PTPRD: variants seen among roughly 807,000 people sequenced by gnomAD.
The protein encoded by PTPRD is protein tyrosine phosphatase receptor type D, also known as receptor-type tyrosine-protein phosphatase delta.
A neutral mutation model predicts 214.5 loss-of-function variants in PTPRD; 34 were observed. The ratio of observed to expected loss-of-function variants is 0.16; its 90% CI spans 0.12 to 0.21. PTPRD has a LOEUF of 0.21. Among genes scored for constraint, PTPRD ranks in the 10% least tolerant of loss-of-function variants. PTPRD has a pLI of 1.00. For synonymous variants in PTPRD, 1,128 were observed against 845.7 expected, an observed-to-expected ratio of 1.33 and a Z score of -5.79; for missense variants, 2,545 against 2,398.7, an observed-to-expected ratio of 1.06 and a Z score of -1.27.
At chr9:10,600,469 C>T (rs7357812) in intron 2 of PTPRD, among the ~76,000 whole-genome samples, 14,836 of 151,740 alleles carry the variant, frequency 0.098, 1,012 homozygotes, top group East Asian at 0.21. Context: ...GTTAGAGCAA[C>T]ATCTCCAGCA....
At chr9:9,261,998 T>C (rs553883223) in intron 9 of PTPRD, among the ~76,000 whole-genome samples, 1 of 151,792 alleles carries the variant, frequency 6.6e-6, no homozygotes, top group South Asian at 2.1e-4. Flanking sequence ...CTTTAAACAG[T>C]ATAGATTATA....
intron 9 of PTPRD, among the ~76,000 whole-genome samples, chr9:9,377,672 GACATTGACT>G (rs2061144667): frequency 6.6e-6 from 1 of 152,004 alleles, no homozygotes; most frequent in South Asian, 2.1e-4. Flanking sequence ...AATCCCTTCA[GACATTGACT>G]ACAAACAGCT....
chr9:9,416,452 T>C (rs887901384), intron 8 of PTPRD, among the ~76,000 whole-genome samples: 2 of 152,164 alleles, frequency 1.3e-5, no homozygotes, highest in Non-Finnish European at 2.9e-5. Flanking sequence ...AATTAAATAA[T>C]GTATATAAAT....
intron 5 of PTPRD, among the ~76,000 whole-genome samples, chr9:9,889,171 T>G (rs2072225030): frequency 1.3e-5 from 2 of 151,988 alleles, no homozygotes; most frequent in African/African-American, 4.8e-5. Context: ...TACGAAATTT[T>G]AGACAGGAGG....
At position 9,797,741 on chromosome 9, in the gene PTPRD, G is replaced by C. The variant is rs182066839; in HGVS notation, c.-367-30890C>G. On this transcript the variant is annotated intron_variant, in intron 5 of 45. Transcript: ENST00000381196. ...GGCACCTGTAATCCCAGCTACTCGG[G>C]GGGGGCTGAGGCAGGAGATTCACTT... 1.1e-3 allele frequency among the ~76,000 whole-genome samples: 167 copies of C among 147,780 alleles called. 3 individuals carry two copies. In the South Asian group the frequency reaches 0.016, roughly 14 times the overall value.
chr9:9,968,148 C>T (rs1348006929), intron 4 of PTPRD, among the ~76,000 whole-genome samples: 3 of 152,170 alleles, frequency 2.0e-5, no homozygotes, highest in Middle Eastern at 3.4e-3. Flanking sequence ...TAAAGGGAAC[C>T]TATTATTCTT....
At chr9:9,557,442 A>C (rs75632198) in intron 8 of PTPRD, among the ~76,000 whole-genome samples, 1,944 of 152,282 alleles carry the variant, frequency 0.013, 21 homozygotes, top group Non-Finnish European at 0.019. Context: ...CCCAAAATAA[A>C]ATTTTTTGAC....
chr9:9,085,549 T>C (rs2099765839), intron 10 of PTPRD, among the ~76,000 whole-genome samples: 1 of 152,126 alleles, frequency 6.6e-6, no homozygotes, highest in African/African-American at 2.4e-5. Context: ...CTCAGGGCTT[T>C]TTTTCCCTCT....
At chr9:8,584,080 G>C (rs548885798) in intron 14 of PTPRD, among the ~76,000 whole-genome samples, 128 of 152,242 alleles carry the variant, frequency 8.4e-4, no homozygotes, top group Middle Eastern at 3.4e-3. Flanking sequence ...CCTGAGCCTG[G>C]TAGTTCGAGG....
At chr9:10,504,570 T>A (rs1482177363) in intron 2 of PTPRD, among the ~76,000 whole-genome samples, 1 of 152,088 alleles carries the variant, frequency 6.6e-6, no homozygotes, top group Non-Finnish European at 1.5e-5. Context: ...AACAGCAATA[T>A]CAAGATAAAT....
chr9:8,507,428 C>G lies in PTPRD; in HGVS notation c.1550G>C (p.Gly517Ala), dbSNP rs1435126387. ...TTCTGCTTTGAAGTTTAGTGGCTGC[C>G]CTGGTACTAAAAACAGGGAGGCAAT... ...IQVITQTGVP[G>A]QPLNFKAEPE... is the part of the protein sequence containing the mutation. The change falls in exon 22 of 46, where the codon GGG (glycine) becomes GCG (alanine). Residue 517 changes from glycine (G) to alanine (A), a missense_variant. Physicochemically the swap from Gly to Ala is moderately conservative, Grantham distance 60. Coordinates refer to ENST00000381196, the MANE Select transcript of PTPRD (RefSeq NM_002839.4). The G allele has an allele frequency of 2.5e-6, 4 of 1,613,824 alleles. No homozygotes were observed. In the East Asian group the frequency reaches 8.9e-5, roughly 36 times the overall value.
chr9:9,020,669 C>T (rs551180292), intron 10 of PTPRD, among the ~76,000 whole-genome samples: 3 of 152,068 alleles, frequency 2.0e-5, no homozygotes, highest in Non-Finnish European at 4.4e-5. Flanking sequence ...ATTTGAAATG[C>T]CTGTGAGACA....
intron 3 of PTPRD, among the ~76,000 whole-genome samples, chr9:10,147,547 G>A (rs1326095652): frequency 6.6e-6 from 1 of 152,106 alleles, no homozygotes; most frequent in Non-Finnish European, 1.5e-5. Context: ...CCAGCCAGAA[G>A]AAAGGTCTAA....
At chr9:9,236,752 G>A (rs910655721) in intron 9 of PTPRD, among the ~76,000 whole-genome samples, 1 of 151,658 alleles carries the variant, frequency 6.6e-6, no homozygotes, top group Non-Finnish European at 1.5e-5. Flanking sequence ...TTGATTATTT[G>A]GGCTTTGTGT....
chr9:8,964,852 G>A (rs2099182773), intron 11 of PTPRD, among the ~76,000 whole-genome samples: 2 of 151,996 alleles, frequency 1.3e-5, no homozygotes, highest in African/African-American at 4.8e-5. Flanking sequence ...TAATTGTGTG[G>A]CTTTGAGAAA....
chr9:10,444,103 T>G (rs567872838), intron 2 of PTPRD, among the ~76,000 whole-genome samples: 1 of 151,852 alleles, frequency 6.6e-6, no homozygotes, highest in Non-Finnish European at 1.5e-5. Context: ...TGCTTACATT[T>G]CTGTTGTAGC....
intron 21 of PTPRD, among the ~76,000 whole-genome samples, chr9:8,510,727 A>G (rs2097661112): frequency 6.6e-6 from 1 of 152,128 alleles, no homozygotes; most frequent in African/African-American, 2.4e-5. Flanking sequence ...CTGAGGGTGT[A>G]CCTAACGATA....
chr9:9,217,041 T>C (rs911920137), intron 9 of PTPRD, among the ~76,000 whole-genome samples: 1 of 152,118 alleles, frequency 6.6e-6, no homozygotes, highest in African/African-American at 2.4e-5. Flanking sequence ...GAAATGCCAG[T>C]GTTAACATTT....
chr9:9,970,455 A>C (rs1587782099), intron 4 of PTPRD, among the ~76,000 whole-genome samples: 1 of 128,008 alleles, frequency 7.8e-6, no homozygotes, highest in South Asian at 2.4e-4. Flanking sequence ...AAAAAGAAAA[A>C]GAAAAAGAAA....
Sources: gnomAD v4.1 joint callset for allele counts (sites outside exome capture counted in the v4.1 genomes callset) on GRCh38, gnomAD v4.1.1 for gene constraint, MANE v1.5 for transcripts, NCBI Gene and HGNC (gene_info 2026-07-23, HGNC 2026-07-21) for gene names.